Variants in CCDC178 observed in about 807,000 individuals in gnomAD.
The protein encoded by CCDC178 is coiled-coil domain-containing protein 178.
CCDC178 carries 126 observed loss-of-function variants against 117.4 expected under a neutral mutation model. The ratio of observed to expected loss-of-function variants is 1.07; its 90% CI spans 0.93 to 1.24. CCDC178 has a LOEUF of 1.24. Among genes scored for constraint, CCDC178 ranks in the 50% most tolerant of loss-of-function variants. The pLI, the probability that CCDC178 is intolerant of heterozygous loss-of-function variation, is 0.00. For missense variants in CCDC178, 1,030 were observed against 986.9 expected, an observed-to-expected ratio of 1.04 and a Z score of -0.59; for synonymous variants, 283 against 313.4, an observed-to-expected ratio of 0.90 and a Z score of 1.02.
chr18:33,126,924 G>C (rs2058011795), intron 20 of CCDC178, among the ~76,000 whole-genome samples: 1 of 150,036 alleles, frequency 6.7e-6, no homozygotes, highest in Non-Finnish European at 1.5e-5. Context: ...CAAAGTGCTA[G>C]AATTATAGGC....
chr18:33,167,383 C>T (rs758374071), intron 20 of CCDC178, among the ~76,000 whole-genome samples: 2 of 152,216 alleles, frequency 1.3e-5, no homozygotes, highest in South Asian at 2.1e-4. Context: ...TCCCACCAGC[C>T]GTGCATAAGT....
intron 22 of CCDC178, among the ~76,000 whole-genome samples, chr18:32,944,319 G>A (rs1056889973): frequency 1.3e-5 from 2 of 152,094 alleles, no homozygotes; most frequent in African/African-American, 2.4e-5. Flanking sequence ...TCTATTTAGG[G>A]AATCATTAAA....
chr18:33,314,147 G>T (rs907711993), intron 11 of CCDC178, among the ~76,000 whole-genome samples: 1 of 135,670 alleles, frequency 7.4e-6, no homozygotes, highest in African/African-American at 2.8e-5. Context: ...CTTGCAGTGA[G>T]CCGAGATCCC....
chr18:33,194,980 G>A (rs2144532695), intron 20 of CCDC178, among the ~76,000 whole-genome samples: 1 of 144,774 alleles, frequency 6.9e-6, no homozygotes, highest in African/African-American at 2.6e-5. Context: ...ATAGCCAGGT[G>A]CAGTGGTATG....
intron 20 of CCDC178, among the ~76,000 whole-genome samples, chr18:33,183,572 G>T (rs2058755865): frequency 6.6e-6 from 1 of 152,074 alleles, no homozygotes; most frequent in East Asian, 1.9e-4. Flanking sequence ...AAAGTACCCT[G>T]GTGGCTGTGA....
At chr18:33,043,215 AGTAATAGATATCTTCT>A (rs1268654495) in intron 21 of CCDC178, among the ~76,000 whole-genome samples, 2 of 152,102 alleles carry the variant, frequency 1.3e-5, no homozygotes, top group Admixed American at 1.3e-4. Context: ...AGGAAGATCA[AGTAATAGATATCTTCT>A]ATTTCAGTAA....
intron 4 of CCDC178, among the ~76,000 whole-genome samples, chr18:33,395,570 T>C (rs1229816622): frequency 6.6e-6 from 1 of 152,072 alleles, no homozygotes; most frequent in Non-Finnish European, 1.5e-5. Context: ...TATTCATCAC[T>C]TAAATTTGCA....
rs560947644 is a variant in CCDC178 at position 33,083,446 on chromosome 18, G to A, written c.2388+9315C>T. On this transcript the variant is annotated intron_variant, in intron 21 of 22. Coordinates refer to ENST00000383096, the MANE Select transcript of CCDC178 (RefSeq NM_001105528.4). ...GTACAATATCACCATTGGTGAAAGT[G>A]TCAATTTCAGTGCTTCCTCCAAAAA... Among the ~76,000 whole-genome samples, 34 of 152,292 alleles carry A rather than the reference G, an allele frequency of 2.2e-4. 2 individuals are homozygous for A. The South Asian group carries it at 6.6e-3, about 30-fold the overall frequency.
At chr18:33,092,637 G>A (rs2057484169) in intron 21 of CCDC178, 124 bp downstream of exon 21, 1 of 556,644 alleles carries the variant, frequency 1.8e-6, no homozygotes. Flanking sequence ...AAACTACACA[G>A]AGAAAATAGG....
chr18:33,247,367 C>T (rs1271657845), intron 14 of CCDC178, among the ~76,000 whole-genome samples: 1 of 151,698 alleles, frequency 6.6e-6, no homozygotes, highest in African/African-American at 2.4e-5. Flanking sequence ...GAAATTTTGA[C>T]ACACAGCAGA....
intron 5 of CCDC178, among the ~76,000 whole-genome samples, chr18:33,371,211 C>A (rs2063293761): frequency 6.6e-6 from 1 of 151,808 alleles, no homozygotes; most frequent in African/African-American, 2.4e-5. Flanking sequence ...GTAAAAATGG[C>A]ATGTTTCATT....
At chr18:33,249,329 T>C (rs1029187309) in intron 14 of CCDC178, among the ~76,000 whole-genome samples, 2 of 152,164 alleles carry the variant, frequency 1.3e-5, no homozygotes, top group Non-Finnish European at 2.9e-5. Context: ...GTTTTAGACA[T>C]GAAGTCCTTG....
intron 21 of CCDC178, among the ~76,000 whole-genome samples, chr18:33,083,863 T>C (rs2057336021): frequency 6.6e-6 from 1 of 152,184 alleles, no homozygotes; most frequent in South Asian, 2.1e-4. Context: ...TGATAAAAAC[T>C]CTTCTCATTT....
At chr18:33,005,233 A>G (rs765809426) in intron 21 of CCDC178, among the ~76,000 whole-genome samples, 1 of 152,142 alleles carries the variant, frequency 6.6e-6, no homozygotes, top group African/African-American at 2.4e-5. Flanking sequence ...TCAACAGATG[A>G]TTGGATAAAG....
rs192088733 is a variant in CCDC178, at chr18:33,363,450, G to T, written c.348+6600C>A. ...GAGTTGAGAGTAAATCAAACAGCCA[G>T]TGAGGACCACAGACCAATAAATTAT... is the stretch of plus-strand genomic sequence containing the variant. On this transcript the variant is annotated intron_variant, in intron 6 of 22. Coordinates refer to ENST00000383096, the MANE Select transcript of CCDC178 (RefSeq NM_001105528.4). Among the ~76,000 whole-genome samples the T allele has an allele frequency of 1.7e-3, 255 of 152,122 alleles. 5 individuals carry two copies. The highest frequency in any genetic ancestry group is 0.016 in the Admixed American group (237 of 15,242).
chr18:33,418,163 T>G (rs2063971905), intron 2 of CCDC178, among the ~76,000 whole-genome samples: 1 of 152,148 alleles, frequency 6.6e-6, no homozygotes, highest in Admixed American at 6.5e-5. Flanking sequence ...AGTCAGCTTT[T>G]TAAGTGGGAT....
At chr18:33,428,481 C>T (rs2064152583) in intron 2 of CCDC178, among the ~76,000 whole-genome samples, 2 of 151,952 alleles carry the variant, frequency 1.3e-5, no homozygotes, top group South Asian at 4.2e-4. Flanking sequence ...ACCATGTAAT[C>T]CCAGCACTTT....
chr18:33,064,049 C>A (rs1434996050), intron 21 of CCDC178, among the ~76,000 whole-genome samples: 3 of 152,102 alleles, frequency 2.0e-5, no homozygotes, highest in African/African-American at 7.2e-5. Flanking sequence ...CCTATGAATA[C>A]CAATCCATAA....
At chr18:33,439,377 C>G (rs1225351887) in intron 2 of CCDC178, among the ~76,000 whole-genome samples, 1 of 152,106 alleles carries the variant, frequency 6.6e-6, no homozygotes, top group Non-Finnish European at 1.5e-5. Flanking sequence ...AAAGCTCTGG[C>G]AGCAATCCCA....
Sources: allele counts gnomAD v4.1 joint callset (sites outside exome capture counted in the v4.1 genomes callset), GRCh38; gene constraint gnomAD v4.1.1; transcripts MANE v1.5; gene names NCBI Gene and HGNC (gene_info 2026-07-23, HGNC 2026-07-21).